Variants in AP3B1 observed in about 807,000 individuals in gnomAD.
AP3B1 encodes the protein AP-3 complex subunit beta-1.
AP3B1 carries 61 observed loss-of-function variants against 132.5 expected under a neutral mutation model. The observed-to-expected ratio is 0.46, with a 90% confidence interval of 0.37 to 0.57. AP3B1 has a LOEUF of 0.57. AP3B1 is among the 20% of genes least tolerant of loss of function. The pLI is 0.00. For synonymous variants in AP3B1, 388 were observed against 438.3 expected (o/e 0.89, Z 1.43); for missense variants, 1,120 against 1,289.4 (o/e 0.87, Z 2.01).
chr5:78,006,495 T>G (rs945734195), intron 26 of AP3B1, among the ~76,000 whole-genome samples: 1 of 152,212 alleles, frequency 6.6e-6, no homozygotes, highest in Non-Finnish European at 1.5e-5. Flanking sequence ...TCATATATTT[T>G]ACATTTCTGC....
intron 22 of AP3B1, among the ~76,000 whole-genome samples, chr5:78,071,916 C>G (rs1749558262): frequency 1.3e-5 from 2 of 152,142 alleles, no homozygotes; most frequent in African/African-American, 4.8e-5. Context: ...ATCCTGTTCC[C>G]TAATTTCATA....
intron 7 of AP3B1, among the ~76,000 whole-genome samples, chr5:78,194,860 T>A (rs1293936952): frequency 6.6e-6 from 1 of 152,146 alleles, no homozygotes; most frequent in African/African-American, 2.4e-5. Context: ...AACTATTAAA[T>A]GAAAATGACT....
rs6453373 is a variant in AP3B1 at position 78,129,204 on chromosome 5, A to G, written c.1754T>C (p.Val585Ala). The G allele has an allele frequency of 2.5e-6, 4 of 1,613,240 alleles. No homozygotes were observed. The highest frequency in any genetic ancestry group is 1.1e-5 in the South Asian group (1 of 91,060). Residue 585 changes from valine to alanine, a missense_variant, in exon 16 of 27, where the codon GTA becomes GCA. Coordinates refer to ENST00000255194, the MANE Select transcript of AP3B1 (RefSeq NM_003664.5). ...RFIRQLIVPNVKSGALSKYAK... is the reference protein window; with the variant it reads ...RFIRQLIVPNAKSGALSKYAK... ...ATATTTACTTAAAGCTCCACTCTTT[A>G]CATTCGGAACAATAAGCTGCCTAAT... is the stretch of plus-strand genomic sequence containing the variant.
At chr5:78,155,757 G>T (rs577541346) in intron 14 of AP3B1, among the ~76,000 whole-genome samples, 4 of 151,864 alleles carry the variant, frequency 2.6e-5, no homozygotes, top group South Asian at 2.1e-4. Context: ...TTTTTAAGGG[G>T]TGATGAAAAT....
intron 7 of AP3B1, among the ~76,000 whole-genome samples, chr5:78,185,654 T>A (rs1744574485): frequency 6.6e-6 from 1 of 151,930 alleles, no homozygotes; most frequent in Admixed American, 6.6e-5. Context: ...AGGCCAGGAG[T>A]TCTAGACCAG....
chr5:78,004,292 C>T (rs1029176403), intron 26 of AP3B1, among the ~76,000 whole-genome samples: 1 of 152,186 alleles, frequency 6.6e-6, no homozygotes, highest in Non-Finnish European at 1.5e-5. Flanking sequence ...GTCAGTGTCT[C>T]ATGTCTGACA....
chr5:78,183,238 G>C (rs1002283940), intron 7 of AP3B1, among the ~76,000 whole-genome samples: 27 of 152,180 alleles, frequency 1.8e-4, no homozygotes, highest in Non-Finnish European at 2.8e-4. Flanking sequence ...CCGGACTCCT[G>C]CTATGACCTG....
intron 7 of AP3B1, among the ~76,000 whole-genome samples, chr5:78,191,422 C>G (rs1744828123): frequency 6.8e-6 from 1 of 147,946 alleles, no homozygotes; most frequent in Admixed American, 6.8e-5. Context: ...CCTAAAAGCT[C>G]AGTAGAGCTT....
intron 22 of AP3B1, among the ~76,000 whole-genome samples, chr5:78,060,898 G>A (rs1393285375): frequency 6.6e-6 from 1 of 152,022 alleles, no homozygotes; most frequent in Non-Finnish European, 1.5e-5. Context: ...CTATATCCAC[G>A]ATTCTACCCA....
intron 1 of AP3B1, among the ~76,000 whole-genome samples, chr5:78,272,474 T>C (rs2112569278): frequency 6.6e-6 from 1 of 152,322 alleles, no homozygotes; most frequent in East Asian, 1.9e-4. Flanking sequence ...CCTCCTCCTT[T>C]AGATTCTGAA....
chr5:78,078,061 A>G (rs759271776), intron 22 of AP3B1, among the ~76,000 whole-genome samples: 16 of 152,102 alleles, frequency 1.1e-4, no homozygotes, highest in Non-Finnish European at 1.8e-4. Context: ...GTGTGTATGC[A>G]CACACATGTG....
intron 14 of AP3B1, among the ~76,000 whole-genome samples, chr5:78,142,418 T>C (rs1204910167): frequency 6.6e-6 from 1 of 152,188 alleles, no homozygotes; most frequent in Non-Finnish European, 1.5e-5. Flanking sequence ...ACAGCTATCA[T>C]TAAAAGGTGG....
intron 6 of AP3B1, among the ~76,000 whole-genome samples, chr5:78,217,289 A>G (rs1165652505): frequency 6.6e-6 from 1 of 152,162 alleles, no homozygotes; most frequent in Non-Finnish European, 1.5e-5. Flanking sequence ...CAACAATACA[A>G]TTGAAAGAAA....
intron 6 of AP3B1, among the ~76,000 whole-genome samples, chr5:78,223,027 C>CTCTTTTTTTTTTTT (rs66493022): frequency 0.039 from 5,003 of 126,686 alleles, 341 homozygotes; most frequent in East Asian, 0.084. Flanking sequence ...TTGTTTGTTT[C>CTCTTTTTTTTTTTT]TTTTTTTTTT....
chr5:78,117,273 A>G (rs1383438367), intron 17 of AP3B1, among the ~76,000 whole-genome samples: 1 of 150,518 alleles, frequency 6.6e-6, no homozygotes, highest in Non-Finnish European at 1.5e-5. Flanking sequence ...GGTAGAATGT[A>G]AGTTTCTGGA....
At chr5:78,143,144 C>A (rs1171554711) in intron 14 of AP3B1, among the ~76,000 whole-genome samples, 1 of 151,874 alleles carries the variant, frequency 6.6e-6, no homozygotes. Flanking sequence ...CTATGACATA[C>A]CATAATCTAT....
chr5:78,281,483 C>G (rs1749055663), intron 1 of AP3B1, among the ~76,000 whole-genome samples: 1 of 151,192 alleles, frequency 6.6e-6, no homozygotes. Flanking sequence ...GTTAATTATC[C>G]CATTATAATT....
At chr5:78,178,353 T>C (rs1744234905) in intron 8 of AP3B1, among the ~76,000 whole-genome samples, 5 of 152,202 alleles carry the variant, frequency 3.3e-5, no homozygotes, top group Admixed American at 3.3e-4. Context: ...CTGGGCACAG[T>C]GGCTCACGCC....
intron 21 of AP3B1, among the ~76,000 whole-genome samples, chr5:78,097,785 C>T (rs535720653): frequency 6.6e-6 from 1 of 152,260 alleles, no homozygotes; most frequent in Admixed American, 6.5e-5. Flanking sequence ...GTGTGCCCAA[C>T]AGCTCATTGA....
Sources: allele counts gnomAD v4.1 joint callset (sites outside exome capture counted in the v4.1 genomes callset), GRCh38; gene constraint gnomAD v4.1.1; transcripts MANE v1.5; gene names NCBI Gene and HGNC (gene_info 2026-07-23, HGNC 2026-07-21).